The following PSMG2 variants were observed in gnomAD, a reference collection of about 807,000 sequenced individuals.
PSMG2 encodes the protein proteasome assembly chaperone 2.
Under a neutral mutation model 31.5 loss-of-function variants are expected in PSMG2, and 21 were observed. The ratio of observed to expected loss-of-function variants is 0.67; its 90% confidence interval spans 0.47 to 0.96. The LOEUF is 0.96. Ranked by LOEUF, PSMG2 falls within the 40% of genes least tolerant of loss-of-function variation. The probability of loss-of-function intolerance (pLI) is 0.00; values close to 1 mark genes in which losing one functional copy is unlikely to be tolerated. For synonymous variants in PSMG2, 120 were observed against 110.4 expected, an observed-to-expected ratio of 1.09 and a Z score of -0.54; for missense variants, 318 against 321.2, an observed-to-expected ratio of 0.99 and a Z score of 0.08.
At chr18:12,699,983 A>G (rs1298933906), upstream of PSMG2, 2 of 906,256 alleles carry the variant, frequency 2.2e-6, no homozygotes, top group East Asian at 5.7e-5. Context: ...AACATGACTA[A>G]GCACTGAACC....
chr18:12,661,382 A>T, intron 1 of PSMG2: 1 of 983,614 alleles, frequency 1.0e-6, no homozygotes, highest in Non-Finnish European at 1.2e-6. Context: ...ACTGCTGACC[A>T]CTCAAAGGCT....
intron 1 of PSMG2, chr18:12,680,762 CA>C (rs1347145182): frequency 6.2e-7 from 1 of 1,613,886 alleles, no homozygotes; most frequent in Non-Finnish European, 8.5e-7. Flanking sequence ...CCAACACAAA[CA>C]AAGGCTTCTA....
At chr18:12,681,417 T>A (rs1006855601) in intron 1 of PSMG2, among the ~76,000 whole-genome samples, 39 of 151,836 alleles carry the variant, frequency 2.6e-4, no homozygotes, top group East Asian at 3.9e-4. Context: ...TAGCTAATTT[T>A]AAAATTTTTT....
chr18:12,704,384 C>T lies in PSMG2; in HGVS notation c.57+1220C>T, dbSNP rs1052365142. On this transcript the variant is annotated intron_variant, in intron 1 of 6. Coordinates refer to ENST00000317615, the MANE Select transcript of PSMG2 (RefSeq NM_020232.5). The stretch of plus-strand genomic sequence containing the variant: ...GGAGGATCGCTTGAGCTCAGGAGTT[C>T]AAGACCAGCCTGGGCGACATAGTGA... 4.6e-5 allele frequency among the ~76,000 whole-genome samples: 7 copies of T among 152,072 alleles called. No individual in the cohort carries two copies. In the East Asian group the frequency reaches 1.2e-3, roughly 25 times the overall value.
chr18:12,665,804 TCTC>T (rs1270505277), intron 1 of PSMG2, among the ~76,000 whole-genome samples: 1 of 152,122 alleles, frequency 6.6e-6, no homozygotes, highest in African/African-American at 2.4e-5. Flanking sequence ...CTCATGCAGT[TCTC>T]CTGCCTCAGC....
upstream of PSMG2, among the ~76,000 whole-genome samples, chr18:12,699,630 G>A (rs1226737499): frequency 6.6e-6 from 1 of 152,112 alleles, no homozygotes; most frequent in Non-Finnish European, 1.5e-5. Context: ...AACTGGTGAT[G>A]CTGTTTTTGC....
intron 1 of PSMG2, chr18:12,673,205 G>A: frequency 3.0e-6 from 4 of 1,333,726 alleles, no homozygotes; most frequent in Non-Finnish European, 2.9e-6. Context: ...AGGAATGCAT[G>A]ATTTTTTTTA....
chr18:12,663,718 A>C (rs2038746298), intron 1 of PSMG2, among the ~76,000 whole-genome samples: 1 of 152,212 alleles, frequency 6.6e-6, no homozygotes, highest in East Asian at 1.9e-4. Flanking sequence ...TGATGAGACA[A>C]TGCAAAAATG....
chr18:12,692,391 G>A (rs2039800055), intron 1 of PSMG2: 1 of 151,190 alleles, frequency 6.6e-6, no homozygotes, highest in African/African-American at 2.4e-5. Context: ...TACCTGCCCT[G>A]GCCTATGAAC....
rs753072089 is a variant in PSMG2 at position 12,706,654 on chromosome 18, A to C, written c.162A>C (p.Pro54=). The C allele has an allele frequency of 2.7e-5, 44 of 1,613,822 alleles. No individual in the cohort carries two copies. The highest frequency in any genetic ancestry group is 1.7e-6 in the Non-Finnish European group (2 of 1,179,836). The stretch of plus-strand genomic sequence containing the variant: ...ACTTCTATACCGATTGTCTTGTGCC[A>C]ATGGTTGGAAACAATCCATATGCGA... The part of the protein sequence containing the change: ...IGYFYTDCLV[P]MVGNNPYATT... The change falls in exon 2 of 7, where the codon CCA becomes CCC. Residue 54 remains proline, a synonymous_variant. Transcript: ENST00000317615.
intron 5 of PSMG2, among the ~76,000 whole-genome samples, chr18:12,722,651 A>G (rs2040441380): frequency 6.6e-6 from 1 of 152,190 alleles, no homozygotes; most frequent in Admixed American, 6.5e-5. Flanking sequence ...GGAAATGCGG[A>G]TTTTACCCTG....
chr18:12,671,642 C>CTTTTTTTTTTTTT (rs869130220), intron 1 of PSMG2, among the ~76,000 whole-genome samples: 1 of 55,544 alleles, frequency 1.8e-5, no homozygotes, highest in African/African-American at 6.7e-5. Context: ...TTCACACTTT[C>CTTTTTTTTTTTTT]TTTTTTTTTT....
At chr18:12,681,294 C>CT (rs2039342557) in intron 1 of PSMG2, among the ~76,000 whole-genome samples, 1 of 139,030 alleles carries the variant, frequency 7.2e-6, no homozygotes, top group Non-Finnish European at 1.5e-5. Context: ...GGGTCTTCCT[C>CT]TGTCACCCAG....
chr18:12,674,227 A>C (rs1040171428), intron 1 of PSMG2, among the ~76,000 whole-genome samples: 1 of 151,958 alleles, frequency 6.6e-6, no homozygotes, highest in Non-Finnish European at 1.5e-5. Flanking sequence ...GCTTGAGCCC[A>C]GGAGTTCAAG....
At chr18:12,701,573 T>C (rs971661449), upstream of PSMG2, among the ~76,000 whole-genome samples, 1 of 152,110 alleles carries the variant, frequency 6.6e-6, no homozygotes, top group Admixed American at 6.6e-5. Flanking sequence ...CCTCTCACGA[T>C]AGTGTTGTGA....
At chr18:12,698,827 A>G (rs1429271844), upstream of PSMG2, 4 of 610,314 alleles carry the variant, frequency 6.6e-6, no homozygotes, top group East Asian at 1.1e-4. Context: ...AAGAAGGTGG[A>G]TAGTAGTTTA....
chr18:12,680,940 T>C, intron 1 of PSMG2: 1 of 997,878 alleles, frequency 1.0e-6, no homozygotes, highest in Non-Finnish European at 1.4e-6. Context: ...GGCTCACGCC[T>C]GTAATCCCAA....
At chr18:12,718,477 C>T (rs745468163) in intron 3 of PSMG2, 40 bp from the exon 4 acceptor site, 1 of 1,344,216 alleles carries the variant, frequency 7.4e-7, no homozygotes, top group Non-Finnish European at 1.0e-6. Context: ...CTAAGACTAA[C>T]TTTTAGATTT....
intron 2 of PSMG2, among the ~76,000 whole-genome samples, chr18:12,711,039 G>A (rs1268638079): frequency 6.6e-6 from 1 of 152,166 alleles, no homozygotes; most frequent in Admixed American, 6.5e-5. Flanking sequence ...GGTAGAGGTT[G>A]CAGTGACCCG....
Sources: allele counts gnomAD v4.1 joint callset (sites outside exome capture counted in the v4.1 genomes callset), GRCh38; gene constraint gnomAD v4.1.1; transcripts MANE v1.5; gene names NCBI Gene and HGNC (gene_info 2026-07-23, HGNC 2026-07-21).